CDH15: variants seen among roughly 807,000 people sequenced by gnomAD.
The protein encoded by CDH15 is cadherin 15.
A neutral mutation model predicts 69.4 loss-of-function variants in CDH15; 73 were observed. That is an observed-to-expected ratio of 1.05 (90% CI 0.87 to 1.28). CDH15 has a LOEUF of 1.28. Ranked by LOEUF, CDH15 falls within the 50% of genes most tolerant of loss-of-function variation. The probability of loss-of-function intolerance (pLI) is 0.00; values close to 1 mark genes in which losing one functional copy is unlikely to be tolerated. For missense variants in CDH15, 1,343 were observed against 1,133.6 expected, an observed-to-expected ratio of 1.18 and a Z score of -2.65; for synonymous variants, 624 against 507.7, an observed-to-expected ratio of 1.23 and a Z score of -3.08.
intron 4 of CDH15, among the ~76,000 whole-genome samples, chr16:89,184,945 C>A (rs1947867920): frequency 6.6e-6 from 1 of 152,262 alleles, no homozygotes; most frequent in Non-Finnish European, 1.5e-5. Flanking sequence ...GTGGCCTGGA[C>A]ACAGCACGGT....
intron 11 of CDH15, among the ~76,000 whole-genome samples, chr16:89,192,957 A>G (rs1486539709): frequency 1.7e-5 from 1 of 59,376 alleles, no homozygotes; most frequent in Non-Finnish European, 3.3e-5. Flanking sequence ...CCTCCGCAAC[A>G]CCACCCACTC....
At chr16:89,177,895 G>A (rs1201157297) in intron 1 of CDH15, among the ~76,000 whole-genome samples, 1 of 152,174 alleles carries the variant, frequency 6.6e-6, no homozygotes, top group African/African-American at 2.4e-5. Flanking sequence ...CCCAGGCTCG[G>A]GGGTCCCAAG....
chr16:89,190,446 G>A lies in CDH15; in HGVS notation c.1182G>A (p.Val394=), dbSNP rs1246771373. ...AGGGGGCACCCCCAGGCACTCTGGT[G>A]GCCACCTTCTCTGCCCGGGACCCTG... ...LAEGAPPGTL[V]ATFSARDPDT... is the part of the protein sequence containing the mutation. Residue 394 remains valine (V), a synonymous_variant, in exon 8 of 14, where the codon GTG becomes GTA. Coordinates refer to ENST00000289746, the MANE Select transcript of CDH15 (RefSeq NM_004933.3). 2 of 1,606,828 alleles carry A rather than the reference G, an allele frequency of 1.2e-6. No individual in the cohort carries two copies.
Position 89,193,813 on chromosome 16 carries a change from C to A in CDH15, c.2051C>A (p.Pro684Gln), listed in dbSNP as rs1457517527. ...ACAGCGCTGAGCCTGCCTCTGGGAC[C>A]GCCGCCACTTCGCAGAGATGCCCCG... ...HPTALSLPLGPPPLRRDAPQG... is the reference protein window; with the variant it reads ...HPTALSLPLGQPPLRRDAPQG... The change falls in exon 13 of 14, where the codon CCG becomes CAG. Residue 684 changes from proline (P) to glutamine (Q), a missense_variant. Transcript: ENST00000289746. 5 of 1,608,960 alleles carry A rather than the reference C, an allele frequency of 3.1e-6. No homozygotes were observed. The highest frequency in any genetic ancestry group is 2.2e-5 in the East Asian group (1 of 44,848).
At position 89,179,542 on chromosome 16, in the gene CDH15, A is replaced by G. The variant is rs1340508065; in HGVS notation, c.169A>G (p.Asn57Asp). ...CATCCCCCCGATCAGCGTATCCGAG[A>G]ACCACAAGCGTCTCCCCTACCCCCT... ...WVIPPISVSENHKRLPYPLVQ... is the reference protein window; with the variant it reads ...WVIPPISVSEDHKRLPYPLVQ... Residue 57 changes from asparagine (N) to aspartate (D), a missense_variant, in exon 2 of 14, where the codon AAC becomes GAC. Transcript: ENST00000289746. The G allele has an allele frequency of 6.2e-7, 1 of 1,609,628 alleles. No homozygotes were observed. The highest frequency in any genetic ancestry group is 8.5e-7 in the Non-Finnish European group (1 of 1,177,492).
At chr16:89,180,532 C>T (rs964597687) in intron 3 of CDH15, among the ~76,000 whole-genome samples, 177 bp downstream of exon 3, 2 of 152,226 alleles carry the variant, frequency 1.3e-5, no homozygotes, top group South Asian at 2.1e-4. Context: ...GCCCTGCAGC[C>T]GGAGGAGGCA....
At chr16:89,178,232 G>C (rs1294328814) in intron 1 of CDH15, among the ~76,000 whole-genome samples, 4 of 152,122 alleles carry the variant, frequency 2.6e-5, no homozygotes, top group Non-Finnish European at 2.9e-5. Flanking sequence ...CTCCACTTTG[G>C]GGTCTTTACC....
intron 1 of CDH15, among the ~76,000 whole-genome samples, chr16:89,172,426 G>A (rs1056950713): frequency 4.6e-5 from 7 of 152,126 alleles, no homozygotes; most frequent in Admixed American, 3.9e-4. Flanking sequence ...GGCCCAGCCC[G>A]AGCCAGGTCG....
intron 1 of CDH15, among the ~76,000 whole-genome samples, chr16:89,177,165 C>A (rs1175439655): frequency 2.0e-5 from 3 of 151,890 alleles, no homozygotes; most frequent in Non-Finnish European, 4.4e-5. Context: ...CACACCCTCA[C>A]TACACGTGGT....
At chr16:89,180,082 A>C (rs1033403660) in intron 2 of CDH15, 118 bp from the exon 3 acceptor site, 1 of 1,113,474 alleles carries the variant, frequency 9.0e-7, no homozygotes, top group Non-Finnish European at 1.3e-6. Context: ...TCCGTCCTCC[A>C]GTCCTAGGAG....
At chr16:89,189,167 CCACACACAGATGCCGG>C (rs777406827) in intron 7 of CDH15, among the ~76,000 whole-genome samples, 12,076 of 133,562 alleles carry the variant, frequency 0.09, 798 homozygotes, top group Non-Finnish European at 0.13. Flanking sequence ...ACACAGATGC[CCACACACAGATGCCGG>C]CACACACAGA....
Position 89,185,261 on chromosome 16 carries a change from C to A in CDH15, c.591C>A (p.Gly197=). ...TGCGGTTCTCCATCCTGCAGCAGGG[C>A]AGCCCCGAGCTCTTCAGCATCGACG... The part of the protein sequence containing the change: ...AALRFSILQQ[G]SPELFSIDEL... Residue 197 remains glycine, a synonymous_variant, in exon 5 of 14, where the codon GGC becomes GGA. Coordinates refer to ENST00000289746, the MANE Select transcript of CDH15 (RefSeq NM_004933.3). The A allele has an allele frequency of 6.2e-7, 1 of 1,605,908 alleles. No homozygotes were observed. Among genetic ancestry groups the A allele is most frequent in the Non-Finnish European group, 8.5e-7 (1 of 1,176,564 alleles).
At chr16:89,188,882 CAG>C (rs1175352067) in intron 7 of CDH15, among the ~76,000 whole-genome samples, 14 of 123,976 alleles carry the variant, frequency 1.1e-4, no homozygotes, top group East Asian at 8.3e-4. Context: ...ACACAGATGC[CAG>C]CACACACAGA....
At chr16:89,192,114 T>C in intron 10 of CDH15, 91 bp from the exon 11 acceptor site, 1 of 1,432,774 alleles carries the variant, frequency 7.0e-7, no homozygotes, top group Non-Finnish European at 9.2e-7. Flanking sequence ...GCCCAGGATC[T>C]CGGGATCCCC....
At chr16:89,174,251 C>G (rs1338266056) in intron 1 of CDH15, among the ~76,000 whole-genome samples, 5 of 152,244 alleles carry the variant, frequency 3.3e-5, no homozygotes, top group Non-Finnish European at 5.9e-5. Context: ...GGGGCCATTC[C>G]TGGCATGCCT....
At chr16:89,194,318 C>T (rs1392577093) in intron 13 of CDH15, among the ~76,000 whole-genome samples, 8 of 152,208 alleles carry the variant, frequency 5.3e-5, no homozygotes, top group Non-Finnish European at 1.2e-4. Flanking sequence ...TGAATGTGCA[C>T]ACGGGGAATC....
intron 1 of CDH15, among the ~76,000 whole-genome samples, chr16:89,178,478 A>G (rs1375961239): frequency 6.6e-6 from 1 of 152,130 alleles, no homozygotes; most frequent in African/African-American, 2.4e-5. Context: ...CTGGGAGAAG[A>G]AGAGTGAGGC....
rs201216557 is a variant in CDH15 at position 89,191,385 on chromosome 16, C to G, written c.1288C>G (p.Arg430Gly). 18 of 1,612,652 alleles carry G rather than the reference C, an allele frequency of 1.1e-5. No individual in the cohort carries two copies. Among genetic ancestry groups the G allele is most frequent in the Non-Finnish European group, 1.4e-5 (17 of 1,179,972 alleles). Reference sequence around the variant, plus strand: ...GCTGCAAGTGGACGCAGCCACTGGCCGGATCCAGACCCAGCACGTGCTCAG... The same window carrying G: ...GCTGCAAGTGGACGCAGCCACTGGCGGGATCCAGACCCAGCACGTGCTCAG... ...DWLQVDAATGRIQTQHVLSPA... is the reference protein window; with the variant it reads ...DWLQVDAATGGIQTQHVLSPA... Residue 430 changes from arginine (R) to glycine (G), a missense_variant, in exon 9 of 14, where the codon CGG (arginine) becomes GGG (glycine). Physicochemically the swap from Arg to Gly is moderately radical, Grantham distance 125. Coordinates refer to ENST00000289746, the MANE Select transcript of CDH15 (RefSeq NM_004933.3).
chr16:89,183,679 G>T lies in CDH15; in HGVS notation c.489G>T (p.Glu163Asp), dbSNP rs772144718. Residue 163 changes from glutamate (E) to aspartate (D), a missense_variant, in exon 4 of 14, where the codon GAG becomes GAT. Coordinates refer to ENST00000289746, the MANE Select transcript of CDH15 (RefSeq NM_004933.3). Reference protein sequence around the residue: ...LQEAFTGRVLEGAVPGTYVTR... With the variant: ...LQEAFTGRVLDGAVPGTYVTR... ...AGGCGTTCACTGGCCGCGTGCTGGA[G>T]GGTGCAGTCCCAGGTGAGACAGGAC... The T allele has an allele frequency of 3.7e-6, 6 of 1,604,828 alleles. No individual in the cohort carries two copies. The Admixed American group carries it at 6.8e-5, about 18-fold the overall frequency.
Sources: allele counts gnomAD v4.1 joint callset (sites outside exome capture counted in the v4.1 genomes callset), GRCh38; gene constraint gnomAD v4.1.1; transcripts MANE v1.5; gene names NCBI Gene and HGNC (gene_info 2026-07-23, HGNC 2026-07-21).